ALK: variants seen among roughly 807,000 people sequenced by gnomAD.
The protein encoded by ALK is ALK tyrosine kinase receptor.
Under a neutral mutation model 163.1 loss-of-function variants are expected in ALK, and 74 were observed. The observed-to-expected ratio is 0.45, with a 90% CI of 0.38 to 0.55. The LOEUF (loss-of-function observed/expected upper bound fraction) is 0.55. ALK is among the 20% of genes least tolerant of loss of function. ALK has a pLI of 0.00. For synonymous variants in ALK, 960 were observed against 843.2 expected (o/e 1.14, Z -2.40); for missense variants, 2,063 against 2,105.3 (o/e 0.98, Z 0.39).
intron 11 of ALK, among the ~76,000 whole-genome samples, chr2:29,269,398 C>T (rs539430198): frequency 1.3e-5 from 2 of 152,262 alleles, no homozygotes; most frequent in South Asian, 4.1e-4. Flanking sequence ...GGCTCTCCAG[C>T]GTGAAAGCCT....
At chr2:29,450,740 A>G (rs1312839124) in intron 4 of ALK, among the ~76,000 whole-genome samples, 1 of 152,220 alleles carries the variant, frequency 6.6e-6, no homozygotes, top group Non-Finnish European at 1.5e-5. Flanking sequence ...TTGCAGGACT[A>G]TGGCCTATAA....
chr2:29,575,183 G>C (rs1470804485), intron 3 of ALK, among the ~76,000 whole-genome samples: 1 of 152,140 alleles, frequency 6.6e-6, no homozygotes, highest in East Asian at 1.9e-4. Flanking sequence ...TTGGTTATAA[G>C]GGTGAACGGT....
chr2:29,567,792 C>T (rs905102983), intron 3 of ALK, among the ~76,000 whole-genome samples: 4 of 152,188 alleles, frequency 2.6e-5, no homozygotes, highest in Non-Finnish European at 4.4e-5. Flanking sequence ...AAATCCCATT[C>T]CGTTTCTAAG....
At chr2:29,235,856 C>CATTTT (rs1664359798) in intron 13 of ALK, among the ~76,000 whole-genome samples, 2 of 38,252 alleles carry the variant, frequency 5.2e-5, no homozygotes, top group African/African-American at 1.7e-4. Context: ...CCAGGCTCGA[C>CATTTT]TTTTTTTTTT....
In ALK at chr2:29,636,903, A is replaced by G. The variant is rs78803052; in HGVS notation, c.952+57947T>C. On this transcript the variant is annotated intron_variant, in intron 3 of 28. Coordinates refer to ENST00000389048, the MANE Select transcript of ALK (RefSeq NM_004304.5). ...CAACCACACTGAGCTATCACCTCACATCTGTCAGAATGGCTACAATAAAAA... is the reference window on the plus strand; with the variant it reads ...CAACCACACTGAGCTATCACCTCACGTCTGTCAGAATGGCTACAATAAAAA... Among the ~76,000 whole-genome samples the G allele has an allele frequency of 5.7e-3, 871 of 152,326 alleles. 9 individuals are homozygous for G. The highest frequency in any genetic ancestry group is 0.019 in the African/African-American group (773 of 41,580).
chr2:29,688,305 T>C (rs1299881288), intron 3 of ALK, among the ~76,000 whole-genome samples: 1 of 152,190 alleles, frequency 6.6e-6, no homozygotes, highest in Admixed American at 6.5e-5. Flanking sequence ...ATCAGGAACG[T>C]TGGGGCCAGG....
intron 5 of ALK, among the ~76,000 whole-genome samples, chr2:29,345,067 CA>C (rs1213516115): frequency 6.6e-6 from 1 of 152,090 alleles, no homozygotes; most frequent in African/African-American, 2.4e-5. Flanking sequence ...AGCTTTTGCA[CA>C]AAATAGCTTC....
chr2:29,281,791 G>A (rs1395780949), intron 9 of ALK, among the ~76,000 whole-genome samples: 1 of 152,304 alleles, frequency 6.6e-6, no homozygotes, highest in African/African-American at 2.4e-5. Context: ...TGGGCGCCTC[G>A]GAGACTCATC....
intron 11 of ALK, among the ~76,000 whole-genome samples, chr2:29,270,146 G>C (rs1224257717): frequency 2.0e-5 from 3 of 152,214 alleles, no homozygotes; most frequent in African/African-American, 7.2e-5. Context: ...TAATGAAAGA[G>C]AGATCCCTCT....
At chr2:29,784,155 C>G (rs1209557226) in intron 1 of ALK, among the ~76,000 whole-genome samples, 1 of 151,938 alleles carries the variant, frequency 6.6e-6, no homozygotes, top group Non-Finnish European at 1.5e-5. Flanking sequence ...GGAGATAGAA[C>G]TAAGAAAATG....
At chr2:29,850,593 C>G (rs1181191468) in intron 1 of ALK, among the ~76,000 whole-genome samples, 1 of 152,146 alleles carries the variant, frequency 6.6e-6, no homozygotes, top group Non-Finnish European at 1.5e-5. Context: ...TGAGGCCTCC[C>G]AAAAGGGACC....
rs183647418 is a variant in ALK at position 29,839,101 on chromosome 2, A to C, written c.667+80892T>G. ...AATTATTTATATATTCTGAAGTTCT[A>C]GGCCTGGTAGTCTGCAAAGGGCTCT... is the stretch of plus-strand genomic sequence containing the variant. On this transcript the variant is annotated intron_variant, in intron 1 of 28. Coordinates refer to ENST00000389048, the MANE Select transcript of ALK (RefSeq NM_004304.5). Among the ~76,000 whole-genome samples, 3 of 152,236 alleles carry C rather than the reference A, an allele frequency of 2.0e-5. No homozygotes were observed. The East Asian group carries it at 5.8e-4, about 29-fold the overall frequency.
intron 4 of ALK, among the ~76,000 whole-genome samples, chr2:29,438,385 T>C (rs1289784314): frequency 6.6e-6 from 1 of 152,192 alleles, no homozygotes; most frequent in Non-Finnish European, 1.5e-5. Flanking sequence ...CCATAGCTAT[T>C]TGTTATTTAG....
chr2:29,348,460 G>A (rs577420965), intron 5 of ALK, among the ~76,000 whole-genome samples: 60 of 152,320 alleles, frequency 3.9e-4, no homozygotes, highest in African/African-American at 1.2e-3. Flanking sequence ...GGTAGGAAGC[G>A]AGGTGAGAAG....
chr2:29,542,490 T>A (rs1673439724), intron 3 of ALK, among the ~76,000 whole-genome samples: 1 of 152,218 alleles, frequency 6.6e-6, no homozygotes, highest in Non-Finnish European at 1.5e-5. Flanking sequence ...AGTGAATCAT[T>A]GAATATTTGA....
chr2:29,575,366 T>A (rs60782443), intron 3 of ALK, among the ~76,000 whole-genome samples: 2,237 of 152,330 alleles, frequency 0.015, 38 homozygotes, highest in African/African-American at 0.039. Context: ...CATCTGTTTT[T>A]ATTCTCTTTA....
At position 29,488,212 on chromosome 2, in the gene ALK, G is replaced by C. The variant is rs377193637; in HGVS notation, c.1154+43703C>G. 2.6e-5 allele frequency among the ~76,000 whole-genome samples: 4 copies of C among 152,232 alleles called. No homozygotes were observed. The East Asian group carries it at 7.7e-4, about 29-fold the overall frequency. On this transcript the variant is annotated intron_variant, in intron 4 of 28. Transcript: ENST00000389048. ...TGATTACATTATTTGCATTCTTTTAGTTTCACAGCCTGCTTTTCAGGCAAC... is the reference window on the plus strand; with the variant it reads ...TGATTACATTATTTGCATTCTTTTACTTTCACAGCCTGCTTTTCAGGCAAC...
intron 3 of ALK, among the ~76,000 whole-genome samples, chr2:29,671,975 C>T (rs1677703801): frequency 6.6e-6 from 1 of 151,552 alleles, no homozygotes. Flanking sequence ...GTATTCTCCT[C>T]CTAGTTCCCC....
chr2:29,894,848 AC>A (rs1667228643), intron 1 of ALK, among the ~76,000 whole-genome samples: 1 of 141,160 alleles, frequency 7.1e-6, no homozygotes, highest in African/African-American at 2.7e-5. Flanking sequence ...ACACACACAC[AC>A]ACAAACACAC....
Sources: allele counts gnomAD v4.1 joint callset (sites outside exome capture counted in the v4.1 genomes callset), GRCh38; gene constraint gnomAD v4.1.1; transcripts MANE v1.5; gene names NCBI Gene and HGNC (gene_info 2026-07-23, HGNC 2026-07-21).